UNC5D: variants seen among roughly 807,000 people sequenced by gnomAD.
UNC5D encodes unc-5 netrin receptor D, also known as netrin receptor UNC5D.
UNC5D carries 39 observed loss-of-function variants against 105.4 expected under a neutral mutation model. The observed-to-expected ratio is 0.37, with a 90% confidence interval of 0.29 to 0.48. The LOEUF (loss-of-function observed/expected upper bound fraction) is 0.48, where lower values mean the gene tolerates loss of function less well. Among genes scored for constraint, UNC5D ranks in the 20% least tolerant of loss-of-function variants. The pLI is 0.98. For synonymous variants in UNC5D, 452 were observed against 450.4 expected (o/e 1.00, Z -0.04); for missense variants, 991 against 1,202.4 (o/e 0.82, Z 2.60).
chr8:35,366,434 A>C (rs1249318575), intron 1 of UNC5D, among the ~76,000 whole-genome samples: 1 of 152,066 alleles, frequency 6.6e-6, no homozygotes, highest in Non-Finnish European at 1.5e-5. Flanking sequence ...GTCTCAGGTT[A>C]GATGTAACTT....
intron 1 of UNC5D, among the ~76,000 whole-genome samples, chr8:35,427,813 G>A (rs1806351160): frequency 6.6e-6 from 1 of 152,110 alleles, no homozygotes; most frequent in Non-Finnish European, 1.5e-5. Flanking sequence ...AAAGAAAGTT[G>A]ACTCTGGAAA....
chr8:35,463,417 C>T (rs957063579), intron 1 of UNC5D, among the ~76,000 whole-genome samples: 1 of 152,146 alleles, frequency 6.6e-6, no homozygotes, highest in Non-Finnish European at 1.5e-5. Context: ...GCAGTACCTG[C>T]CAAGGTTTTT....
intron 8 of UNC5D, among the ~76,000 whole-genome samples, chr8:35,710,108 C>T (rs1217403484): frequency 1.3e-5 from 2 of 151,894 alleles, no homozygotes. Flanking sequence ...TATAGGGAAC[C>T]AGGGCAGAAG....
rs189000522 is a variant in UNC5D, at chr8:35,330,488, T to C, written c.103+94601T>C. On this transcript the variant is annotated intron_variant, in intron 1 of 16. Transcript: ENST00000404895. ...GACTAGAAAAATAGTTCAAAACTGC[T>C]AGCTGATGCGCTACAGTTATGGGGC... 3.9e-5 allele frequency among the ~76,000 whole-genome samples: 6 copies of C among 152,336 alleles called. No individual in the cohort carries two copies. In the East Asian group the frequency reaches 5.8e-4, roughly 15 times the overall value.
intron 11 of UNC5D, among the ~76,000 whole-genome samples, chr8:35,746,528 T>C (rs1376145528): frequency 6.6e-6 from 1 of 152,176 alleles, no homozygotes; most frequent in Non-Finnish European, 1.5e-5. Context: ...AAATGCCTAA[T>C]GCCTATTTAA....
At chr8:35,686,835 A>T (rs1826039947) in intron 7 of UNC5D, 126 bp downstream of exon 7, 2 of 1,233,484 alleles carry the variant, frequency 1.6e-6, no homozygotes, top group Non-Finnish European at 1.1e-6. Context: ...TAAGGGCAAA[A>T]ATAAATTAGG....
chr8:35,249,832 G>T (rs181171233), intron 1 of UNC5D, among the ~76,000 whole-genome samples: 60 of 152,008 alleles, frequency 3.9e-4, no homozygotes, highest in South Asian at 8.3e-4. Context: ...TTCAAGGTTT[G>T]GCTATTTTTA....
intron 4 of UNC5D, among the ~76,000 whole-genome samples, chr8:35,665,453 A>T (rs757397919): frequency 6.6e-6 from 1 of 152,110 alleles, no homozygotes; most frequent in African/African-American, 2.4e-5. Flanking sequence ...ATCTCTTTCA[A>T]CTATTGATGT....
chr8:35,575,164 G>A (rs911780867), intron 3 of UNC5D, among the ~76,000 whole-genome samples: 2 of 151,950 alleles, frequency 1.3e-5, no homozygotes, highest in Non-Finnish European at 1.5e-5. Flanking sequence ...TAGTTATTTT[G>A]AAGGTATTTG....
At chr8:35,721,029 A>G (rs1003269578) in intron 8 of UNC5D, among the ~76,000 whole-genome samples, 10 of 152,202 alleles carry the variant, frequency 6.6e-5, no homozygotes, top group Admixed American at 1.3e-4. Context: ...ATTTGATAAC[A>G]TAAGTACCAT....
Position 35,604,467 on chromosome 8 carries a change from G to C in UNC5D, c.570+8810G>C, listed in dbSNP as rs182812205. ...GGTAACCCGACCTTTCTCTCTGGCTGCCCTTAACATTTTTTCCTTCATTTC... is the reference window on the plus strand; with the variant it reads ...GGTAACCCGACCTTTCTCTCTGGCTCCCCTTAACATTTTTTCCTTCATTTC... On this transcript the variant is annotated intron_variant, in intron 4 of 16. Coordinates refer to ENST00000404895, the MANE Select transcript of UNC5D (RefSeq NM_080872.4). Among the ~76,000 whole-genome samples, 622 of 152,238 alleles carry C rather than the reference G, an allele frequency of 4.1e-3. 3 individuals carry two copies. Among genetic ancestry groups the C allele is most frequent in the Middle Eastern group, 0.014 (4 of 294 alleles).
At chr8:35,789,953 C>G (rs181166439) in intron 16 of UNC5D, among the ~76,000 whole-genome samples, 1 of 150,264 alleles carries the variant, frequency 6.7e-6, no homozygotes, top group Admixed American at 6.6e-5. Flanking sequence ...AAAGTGAGGA[C>G]CCAAAAGACT....
rs1803013261 is a variant in UNC5D, at chr8:35,790,983, A to G, written c.*420A>G. On this transcript the variant is annotated 3_prime_UTR_variant, in exon 17 of 17. Coordinates refer to ENST00000404895, the MANE Select transcript of UNC5D (RefSeq NM_080872.4). The stretch of plus-strand genomic sequence containing the variant: ...ACTAGATTGTCAGAGTTTTCTACCA[A>G]CTGGCATCTGTGATGTCAGAGATCA... The G allele has an allele frequency of 5.1e-6, 1 of 194,852 alleles. No individual in the cohort carries two copies. Among genetic ancestry groups the G allele is most frequent in the Non-Finnish European group, 1.1e-5 (1 of 92,632 alleles). 12.1% of individuals were successfully genotyped at this position (194,852 alleles called of 1,614,324 possible). A position where few individuals can be genotyped will look rare whatever the true frequency, so the allele number is the denominator to read the frequency against.
intron 4 of UNC5D, among the ~76,000 whole-genome samples, chr8:35,636,087 TCATTAA>T (rs1273819737): frequency 6.6e-6 from 1 of 152,210 alleles, no homozygotes; most frequent in Non-Finnish European, 1.5e-5. Context: ...TTTTTGCTCA[TCATTAA>T]GAGTTCTGAT....
chr8:35,640,826 A>G (rs1822661581), intron 4 of UNC5D, among the ~76,000 whole-genome samples: 1 of 152,130 alleles, frequency 6.6e-6, no homozygotes, highest in Admixed American at 6.6e-5. Flanking sequence ...TATACAAAGA[A>G]AAGAATGTTT....
chr8:35,625,733 G>A (rs1376625098), intron 4 of UNC5D, among the ~76,000 whole-genome samples: 1 of 152,164 alleles, frequency 6.6e-6, no homozygotes, highest in Non-Finnish European at 1.5e-5. Flanking sequence ...TGGTTTTTAT[G>A]TGTGCCTAGA....
intron 1 of UNC5D, among the ~76,000 whole-genome samples, chr8:35,547,285 C>CTT (rs11363785): frequency 0.22 from 28,609 of 127,648 alleles, 3,530 homozygotes; most frequent in African/African-American, 0.34. Flanking sequence ...GAACATTACT[C>CTT]TTTTTTTTTT....
At chr8:35,291,193 G>GTACC (rs1413248306) in intron 1 of UNC5D, among the ~76,000 whole-genome samples, 1 of 151,964 alleles carries the variant, frequency 6.6e-6, no homozygotes, top group East Asian at 1.9e-4. Flanking sequence ...TAACCACATG[G>GTACC]TACCTACAAG....
intron 3 of UNC5D, among the ~76,000 whole-genome samples, chr8:35,589,910 C>T (rs1819050293): frequency 6.6e-6 from 1 of 152,182 alleles, no homozygotes; most frequent in Non-Finnish European, 1.5e-5. Flanking sequence ...GCTCGCTCTT[C>T]ATGTATGCCC....
Sources: gnomAD v4.1 joint callset for allele counts (sites outside exome capture counted in the v4.1 genomes callset) on GRCh38, gnomAD v4.1.1 for gene constraint, MANE v1.5 for transcripts, NCBI Gene and HGNC (gene_info 2026-07-23, HGNC 2026-07-21) for gene names.